CNTNAP5: variants seen among roughly 807,000 people sequenced by gnomAD.
CNTNAP5 encodes the protein contactin-associated protein-like 5.
Under a neutral mutation model 150.2 loss-of-function variants are expected in CNTNAP5, and 72 were observed. The observed-to-expected ratio is 0.48, with a 90% CI of 0.40 to 0.58. The LOEUF is 0.58. Ranked by LOEUF, CNTNAP5 falls within the 20% of genes least tolerant of loss-of-function variation. CNTNAP5 has a pLI of 0.00. For missense variants in CNTNAP5, 1,636 were observed against 1,626.2 expected (o/e 1.01, Z -0.10); for synonymous variants, 672 against 619.8 (o/e 1.08, Z -1.25).
At chr2:124,112,157 A>G (rs1162042183) in intron 1 of CNTNAP5, among the ~76,000 whole-genome samples, 3 of 152,230 alleles carry the variant, frequency 2.0e-5, no homozygotes, top group Admixed American at 2.0e-4. Flanking sequence ...CTTTTTAAGT[A>G]TTCACAGGGA....
At chr2:124,361,599 A>G (rs10204362) in intron 3 of CNTNAP5, among the ~76,000 whole-genome samples, 92,557 of 127,810 alleles carry the variant, frequency 0.72, 35,033 homozygotes, top group African/African-American at 0.88. Flanking sequence ...CTGCTGGGGG[A>G]TGCCTCCCAG....
chr2:124,302,167 A>G (rs879735355), intron 3 of CNTNAP5, among the ~76,000 whole-genome samples: 1 of 152,250 alleles, frequency 6.6e-6, no homozygotes. Flanking sequence ...AGAACTGAGA[A>G]AACAAACTTC....
At chr2:124,226,351 T>G (rs2104746600) in intron 2 of CNTNAP5, among the ~76,000 whole-genome samples, 1 of 152,262 alleles carries the variant, frequency 6.6e-6, no homozygotes, top group Admixed American at 6.5e-5. Context: ...TTCCTGATGA[T>G]TAGCAGTGTT....
At chr2:124,195,046 T>TA (rs11386942) in intron 1 of CNTNAP5, among the ~76,000 whole-genome samples, 82,274 of 149,296 alleles carry the variant, frequency 0.55, 22,619 homozygotes, top group East Asian at 0.81. Context: ...CAGAATTAAA[T>TA]AAAAAAAAAA....
At chr2:124,781,409 G>T (rs1487573083) in intron 17 of CNTNAP5, among the ~76,000 whole-genome samples, 2 of 152,144 alleles carry the variant, frequency 1.3e-5, no homozygotes, top group Non-Finnish European at 2.9e-5. Flanking sequence ...TTTATTTCCT[G>T]CCTCTCTCTT....
At chr2:124,767,673 T>G (rs1434656384) in intron 16 of CNTNAP5, among the ~76,000 whole-genome samples, 1 of 152,150 alleles carries the variant, frequency 6.6e-6, no homozygotes, top group Non-Finnish European at 1.5e-5. Context: ...CAGATGCCTT[T>G]GGCTGCAAAT....
In CNTNAP5 at chr2:124,381,040, C is replaced by T. The variant is rs577270633; in HGVS notation, c.382-36403C>T. On this transcript the variant is annotated intron_variant, in intron 3 of 23. Transcript: ENST00000682447. Reference sequence around the variant, plus strand: ...TGAAACTTGTCCCTTCAGAACAGGACGCCATGGGTGGGGACCTGGGAGAAG... The same window carrying T: ...TGAAACTTGTCCCTTCAGAACAGGATGCCATGGGTGGGGACCTGGGAGAAG... 1.6e-3 allele frequency among the ~76,000 whole-genome samples: 236 copies of T among 152,146 alleles called. 2 individuals are homozygous for T. The highest frequency in any genetic ancestry group is 5.5e-3 in the African/African-American group (228 of 41,510).
At chr2:124,142,967 C>T (rs1684159054) in intron 1 of CNTNAP5, among the ~76,000 whole-genome samples, 1 of 110,402 alleles carries the variant, frequency 9.1e-6, no homozygotes, top group Non-Finnish European at 1.8e-5. Context: ...ATATCACCAC[C>T]AATCCCACAG....
intron 10 of CNTNAP5, among the ~76,000 whole-genome samples, chr2:124,545,130 A>G (rs1331287903): frequency 6.6e-6 from 1 of 152,206 alleles, no homozygotes; most frequent in Non-Finnish European, 1.5e-5. Flanking sequence ...TGTTAAAAAA[A>G]CACACATTGT....
chr2:124,681,830 G>C (rs1221511302), intron 13 of CNTNAP5, among the ~76,000 whole-genome samples: 1 of 152,162 alleles, frequency 6.6e-6, no homozygotes, highest in Non-Finnish European at 1.5e-5. Context: ...CCTAATTGCT[G>C]GGATTGCAGG....
chr2:124,485,292 C>T (rs1693844238), intron 7 of CNTNAP5, among the ~76,000 whole-genome samples: 1 of 152,134 alleles, frequency 6.6e-6, no homozygotes, highest in Admixed American at 6.5e-5. Flanking sequence ...GCCCACCTCC[C>T]AGGCTGAGAT....
chr2:124,486,060 G>A (rs1693873702), intron 7 of CNTNAP5, among the ~76,000 whole-genome samples: 1 of 152,114 alleles, frequency 6.6e-6, no homozygotes, highest in Non-Finnish European at 1.5e-5. Context: ...CAGCCTAAAT[G>A]CCCATCCACC....
At chr2:124,859,343 T>A (rs1677458356) in intron 19 of CNTNAP5, among the ~76,000 whole-genome samples, 1 of 151,984 alleles carries the variant, frequency 6.6e-6, no homozygotes, top group Admixed American at 6.6e-5. Context: ...GAAATGCAAA[T>A]CAAAACCACA....
At chr2:124,707,553 T>C (rs1003370444) in intron 13 of CNTNAP5, among the ~76,000 whole-genome samples, 1 of 147,718 alleles carries the variant, frequency 6.8e-6, no homozygotes, top group Non-Finnish European at 1.5e-5. Flanking sequence ...CGCATCATTG[T>C]CATGTCTTAG....
chr2:124,235,656 A>G (rs78202308), intron 2 of CNTNAP5, among the ~76,000 whole-genome samples: 2,071 of 152,216 alleles, frequency 0.014, 51 homozygotes, highest in African/African-American at 0.047. Context: ...TCCCAAATGA[A>G]CTACTTGCAT....
At chr2:124,768,095 G>A (rs1233050806) in intron 16 of CNTNAP5, among the ~76,000 whole-genome samples, 1 of 152,196 alleles carries the variant, frequency 6.6e-6, no homozygotes, top group Non-Finnish European at 1.5e-5. Flanking sequence ...AGAGGGAAGA[G>A]TCTCCCAAAG....
At chr2:124,127,512 C>A (rs538617016) in intron 1 of CNTNAP5, among the ~76,000 whole-genome samples, 15 of 152,210 alleles carry the variant, frequency 9.9e-5, no homozygotes, top group African/African-American at 3.4e-4. Context: ...TTAATGCCAT[C>A]CCCATCAAGC....
intron 3 of CNTNAP5, among the ~76,000 whole-genome samples, chr2:124,378,028 A>G (rs1038423384): frequency 6.6e-6 from 1 of 152,066 alleles, no homozygotes; most frequent in African/African-American, 2.4e-5. Flanking sequence ...AAGAACTTCT[A>G]CTTACTGTGT....
Position 124,197,976 on chromosome 2 carries a change from C to CAA in CNTNAP5, c.83-23720_83-23719dup, listed in dbSNP as rs35172247. On this transcript the variant is annotated intron_variant, in intron 1 of 23. Coordinates refer to ENST00000682447, the MANE Select transcript of CNTNAP5 (RefSeq NM_001367498.1). Reference sequence around the variant, plus strand: ...AGCCTGGGTGACAGAGACTCTGTCTCAAAAAAAAAATAATAAAAATAAAAA... The same window carrying CAA: ...AGCCTGGGTGACAGAGACTCTGTCTCAAAAAAAAAAAATAATAAAAATAAAAA... Among the ~76,000 whole-genome samples, 711 of 144,796 alleles carry CAA rather than the reference C, an allele frequency of 4.9e-3. 5 individuals are homozygous for CAA. Among genetic ancestry groups the CAA allele is most frequent in the African/African-American group, 0.016 (644 of 39,476 alleles). 95.0% of individuals were successfully genotyped at this position (144,796 alleles called of 152,430 possible).
Sources: gnomAD v4.1 joint callset for allele counts (sites outside exome capture counted in the v4.1 genomes callset) on GRCh38, gnomAD v4.1.1 for gene constraint, MANE v1.5 for transcripts, NCBI Gene and HGNC (gene_info 2026-07-23, HGNC 2026-07-21) for gene names.